The following USHBP1 variants were observed in gnomAD, a reference collection of about 807,000 sequenced individuals.
The protein encoded by USHBP1 is USH1 protein network component harmonin binding protein 1, also known as harmonin-binding protein USHBP1.
A neutral mutation model predicts 76.2 loss-of-function variants in USHBP1; 67 were observed. The ratio of observed to expected loss-of-function variants is 0.88; its 90% CI spans 0.72 to 1.08. The LOEUF (loss-of-function observed/expected upper bound fraction) is 1.08. USHBP1 is among the 50% of genes least tolerant of loss of function. USHBP1 has a pLI of 0.00. For synonymous variants in USHBP1, 322 were observed against 362.2 expected (o/e 0.89, Z 1.26); for missense variants, 931 against 915.0 (o/e 1.02, Z -0.23).
intron 9 of USHBP1, among the ~76,000 whole-genome samples, chr19:17,256,030 T>G (rs549100877): frequency 6.7e-6 from 1 of 149,434 alleles, no homozygotes; most frequent in Admixed American, 6.7e-5. Context: ...ACAAACAAAC[T>G]AGGACCTTCA....
At chr19:17,263,122 C>A in intron 3 of USHBP1, 132 bp from the exon 4 acceptor site, 2 of 884,248 alleles carry the variant, frequency 2.3e-6, no homozygotes, top group South Asian at 3.0e-5. Context: ...ACTGCAACCT[C>A]CACCTCCTGG....
chr19:17,258,503 G>T, intron 7 of USHBP1, 118 bp from the exon 8 acceptor site: 1 of 1,165,116 alleles, frequency 8.6e-7, no homozygotes, highest in Admixed American at 2.4e-5. Flanking sequence ...GAGGTCAGGA[G>T]TTCGAGACCA....
chr19:17,256,504 C>G lies in USHBP1; in HGVS notation c.1437G>C (p.Lys479Asn). The G allele has an allele frequency of 6.2e-7, 1 of 1,613,904 alleles. No individual in the cohort carries two copies. Among genetic ancestry groups the G allele is most frequent in the Middle Eastern group, 1.6e-4 (1 of 6,062 alleles). The change falls in exon 9 of 13, where the codon AAG (lysine) becomes AAC (asparagine). Residue 479 changes from lysine to asparagine, a missense_variant. Transcript: ENST00000252597. ...CCACCAGGTCCTGCTGAATTTGTGT[C>G]TTCTCCAGTCGGGGAAGAGCTGGGC... ...QAGPALPRLE[K>N]TQIQQDLVAA...
In USHBP1 at chr19:17,251,930, G is replaced by C. The variant is rs1361564730; in HGVS notation, c.1780C>G (p.Leu594Val). Residue 594 changes from leucine (L) to valine (V), a missense_variant, in exon 11 of 13, where the codon CTG becomes GTG. Transcript: ENST00000252597. ...AWDPEKLAQELAASLTRTLDL... is the reference protein window; with the variant it reads ...AWDPEKLAQEVAASLTRTLDL... ...ACACACCTGGTGAGCGATGCTGCCA[G>C]TTCCTGGGCTAACTTCTCTGGGTCC... is the stretch of plus-strand genomic sequence containing the variant. 3 of 1,545,788 alleles carry C rather than the reference G, an allele frequency of 1.9e-6. No homozygotes were observed. Among genetic ancestry groups the C allele is most frequent in the Admixed American group, 2.0e-5 (1 of 50,878 alleles).
intron 10 of USHBP1, among the ~76,000 whole-genome samples, chr19:17,253,056 C>T (rs1049058562): frequency 3.3e-5 from 5 of 151,844 alleles, no homozygotes; most frequent in Non-Finnish European, 5.9e-5. Context: ...GCCAGCTCTG[C>T]CTCCCGGGTT....
At chr19:17,261,376 C>G (rs1182129182) in intron 4 of USHBP1, among the ~76,000 whole-genome samples, 1 of 144,240 alleles carries the variant, frequency 6.9e-6, no homozygotes, top group Non-Finnish European at 1.5e-5. Context: ...TCTTCTGTCG[C>G]CCAGGCTGGA....
intron 10 of USHBP1, among the ~76,000 whole-genome samples, chr19:17,252,500 G>A (rs1309951045): frequency 1.3e-5 from 2 of 152,214 alleles, no homozygotes; most frequent in East Asian, 3.9e-4. Context: ...GCCAAGACGG[G>A]TGGATCACTT....
chr19:17,259,577 C>T lies in USHBP1; in HGVS notation c.905+19G>A. ...GGAGGTGCCTGTGCCCTTATGAGCTCAGCATTTGAGTCTCTTACCCCCGGA... is the reference window on the plus strand; with the variant it reads ...GGAGGTGCCTGTGCCCTTATGAGCTTAGCATTTGAGTCTCTTACCCCCGGA... On this transcript the variant is annotated intron_variant, in intron 6 of 12. Transcript: ENST00000252597. The T allele has an allele frequency of 6.2e-7, 1 of 1,605,082 alleles. No individual in the cohort carries two copies. The highest frequency in any genetic ancestry group is 1.1e-5 in the South Asian group (1 of 89,950).
chr19:17,254,938 G>T (rs1172931028), intron 10 of USHBP1, among the ~76,000 whole-genome samples: 2 of 152,054 alleles, frequency 1.3e-5, no homozygotes, highest in Non-Finnish European at 2.9e-5. Context: ...TCCTGGCAGG[G>T]ACACAGAATA....
chr19:17,258,853 C>A (rs1254510718), intron 7 of USHBP1, among the ~76,000 whole-genome samples: 1 of 152,090 alleles, frequency 6.6e-6, no homozygotes, highest in Non-Finnish European at 1.5e-5. Flanking sequence ...CCCTTAGCAA[C>A]CCTGAACTAA....
intron 3 of USHBP1, chr19:17,263,280 C>T (rs1012307634): frequency 2.3e-5 from 6 of 260,218 alleles, no homozygotes; most frequent in Non-Finnish European, 3.6e-5. Flanking sequence ...TCAGGTGATC[C>T]GCCCAACTCG....
chr19:17,255,423 C>G lies in USHBP1; in HGVS notation c.1654G>C (p.Gly552Arg), dbSNP rs753391965. 1.2e-6 allele frequency: 2 copies of G among 1,614,158 alleles called. No homozygotes were observed. The highest frequency in any genetic ancestry group is 1.7e-6 in the Non-Finnish European group (2 of 1,179,988). Residue 552 changes from glycine to arginine, a missense_variant, in exon 10 of 13, where the codon GGA (glycine) becomes CGA (arginine). Coordinates refer to ENST00000252597, the MANE Select transcript of USHBP1 (RefSeq NM_031941.4). ...GANSSGGHSS[G>R]GGSSGDEEEW... The stretch of plus-strand genomic sequence containing the variant: ...TCCTCGTCCCCGCTGCTGCCACCTC[C>G]GCTGCTATGTCCGCCACTGCTGTTT...
Position 17,262,927 on chromosome 19 carries a change from G to T in USHBP1, c.267C>A (p.His89Gln). The change falls in exon 4 of 13, where the codon CAC becomes CAA. Residue 89 changes from histidine (H) to glutamine (Q), a missense_variant. Coordinates refer to ENST00000252597, the MANE Select transcript of USHBP1 (RefSeq NM_031941.4). ...RELASAPEVP[H>Q]KPAVEAHQAP... ...CTTGGTGGGCTTCCACTGCAGGTTT[G>T]TGGGGCACTTCGGGGGCTGAGGCCA... 6.4e-7 allele frequency: 1 copy of T among 1,557,700 alleles called. No homozygotes were observed.
At chr19:17,252,342 C>T (rs2073563581) in intron 10 of USHBP1, among the ~76,000 whole-genome samples, 1 of 152,026 alleles carries the variant, frequency 6.6e-6, no homozygotes, top group African/African-American at 2.4e-5. Flanking sequence ...ATTACAGACA[C>T]ATGCCACCAG....
Position 17,252,024 on chromosome 19 carries a change from G to T in USHBP1, c.1693-7C>A. Reference sequence around the variant, plus strand: ...CAGGGACAGCAGGAAGGCCCTAAGGGAGGCAGAAGACAAGAAAGTGACATT... The same window carrying T: ...CAGGGACAGCAGGAAGGCCCTAAGGTAGGCAGAAGACAAGAAAGTGACATT... On this transcript the variant is annotated splice_polypyrimidine_tract_variant and splice_region_variant and intron_variant, in intron 10 of 12. Coordinates refer to ENST00000252597, the MANE Select transcript of USHBP1 (RefSeq NM_031941.4). 1.9e-6 allele frequency: 3 copies of T among 1,546,824 alleles called. No individual in the cohort carries two copies. Among genetic ancestry groups the T allele is most frequent in the Non-Finnish European group, 2.6e-6 (3 of 1,146,942 alleles).
At position 17,250,319 on chromosome 19, in the gene USHBP1, G is replaced by T. The variant is rs759346252; in HGVS notation, c.2018C>A (p.Ala673Asp). 6.2e-7 allele frequency: 1 copy of T among 1,613,464 alleles called. No homozygotes were observed. The highest frequency in any genetic ancestry group is 8.5e-7 in the Non-Finnish European group (1 of 1,179,900). ...GGCTTCGAGCACCGCCACCTCCTCG[G>T]CCTGCTGAGCCTCCATGAGTGCCAT... ...QQMALMEAQQ[A>D]EEVAVLEATA... Residue 673 changes from alanine (A) to aspartate (D), a missense_variant, in exon 13 of 13, where the codon GCC (alanine) becomes GAC (aspartate). Ala to Asp is a moderately radical substitution (Grantham distance 126). Coordinates refer to ENST00000252597, the MANE Select transcript of USHBP1 (RefSeq NM_031941.4).
Position 17,251,677 on chromosome 19 carries a change from C to T in USHBP1, c.1827G>A (p.Gln609=). Residue 609 remains glutamine (Q), a synonymous_variant, in exon 12 of 13, where the codon CAG becomes CAA. Transcript: ENST00000252597. Reference sequence around the variant, plus strand: ...CCTGTTCCAGCTCCCTGCGCAGAGACTGCAGCTGCTCCTGCAGGTCCAGTG... The same window carrying T: ...CCTGTTCCAGCTCCCTGCGCAGAGATTGCAGCTGCTCCTGCAGGTCCAGTG... The part of the protein sequence containing the change: ...TRTLDLQEQL[Q]SLRRELEQVA... 6.2e-7 allele frequency: 1 copy of T among 1,613,760 alleles called. No homozygotes were observed. The highest frequency in any genetic ancestry group is 8.5e-7 in the Non-Finnish European group (1 of 1,180,016).
chr19:17,258,100 T>A (rs2145587148), intron 8 of USHBP1, 112 bp downstream of exon 8: 1 of 1,485,830 alleles, frequency 6.7e-7, no homozygotes, highest in Non-Finnish European at 9.2e-7. Flanking sequence ...ATACCGACCT[T>A]GCTGGACACA....
Position 17,263,986 on chromosome 19 carries a change from A to G in USHBP1, c.203+16T>C. On this transcript the variant is annotated intron_variant, in intron 3 of 12. Transcript: ENST00000252597. Reference sequence around the variant, plus strand: ...GTCTGGACTGGAGTGAAGGGCACAGACCAAGCGGGTCTTACCTGCTTCCTA... The same window carrying G: ...GTCTGGACTGGAGTGAAGGGCACAGGCCAAGCGGGTCTTACCTGCTTCCTA... The G allele has an allele frequency of 6.4e-7, 1 of 1,551,872 alleles. No homozygotes were observed. The highest frequency in any genetic ancestry group is 8.7e-7 in the Non-Finnish European group (1 of 1,149,914).
Sources: gnomAD v4.1 joint callset for allele counts (sites outside exome capture counted in the v4.1 genomes callset) on GRCh38, gnomAD v4.1.1 for gene constraint, MANE v1.5 for transcripts, NCBI Gene and HGNC (gene_info 2026-07-23, HGNC 2026-07-21) for gene names.